GATAD2A: variants seen among roughly 807,000 people sequenced by gnomAD.
GATAD2A encodes the protein GATA zinc finger domain containing 2A.
Under a neutral mutation model 68.5 loss-of-function variants are expected in GATAD2A, and 12 were observed. That is an observed-to-expected ratio of 0.18 (90% confidence interval 0.11 to 0.28). The LOEUF (loss-of-function observed/expected upper bound fraction) is 0.28, where lower values mean the gene tolerates loss of function less well. Among genes scored for constraint, GATAD2A ranks in the 10% least tolerant of loss-of-function variants. The probability of loss-of-function intolerance (pLI) is 1.00; values close to 1 mark genes in which losing one functional copy is unlikely to be tolerated. For missense variants in GATAD2A, 755 were observed against 868.5 expected, an observed-to-expected ratio of 0.87 and a Z score of 1.64; for synonymous variants, 410 against 375.3, an observed-to-expected ratio of 1.09 and a Z score of -1.07.
At chr19:19,425,535 C>T (rs534025931) in intron 1 of GATAD2A, among the ~76,000 whole-genome samples, 1 of 152,168 alleles carries the variant, frequency 6.6e-6, no homozygotes, top group Non-Finnish European at 1.5e-5. Context: ...AGCACTTGAC[C>T]AAGCCATAAT....
chr19:19,482,762 T>G (rs2059145610), intron 2 of GATAD2A, among the ~76,000 whole-genome samples: 1 of 152,184 alleles, frequency 6.6e-6, no homozygotes, highest in Admixed American at 6.5e-5. Flanking sequence ...GCCTTTCATT[T>G]CTTCGATTGT....
intron 2 of GATAD2A, among the ~76,000 whole-genome samples, chr19:19,484,451 A>C (rs372825716): frequency 6.6e-6 from 1 of 151,228 alleles, no homozygotes; most frequent in Non-Finnish European, 1.5e-5. Flanking sequence ...GAAGTTGCTC[A>C]GTGGTAGGAC....
At chr19:19,466,317 A>C (rs2057861133) in intron 2 of GATAD2A, among the ~76,000 whole-genome samples, 1 of 152,206 alleles carries the variant, frequency 6.6e-6, no homozygotes, top group African/African-American at 2.4e-5. Context: ...CTGCTCTTGC[A>C]TCACCCCTCC....
intron 11 of GATAD2A, among the ~76,000 whole-genome samples, chr19:19,503,030 G>A (rs915532205): frequency 6.6e-6 from 1 of 152,200 alleles, no homozygotes; most frequent in Non-Finnish European, 1.5e-5. Flanking sequence ...TGCCGGAGAC[G>A]GTGTTTGAAG....
At position 19,465,448 on chromosome 19, in the gene GATAD2A, T is replaced by C; in HGVS notation, c.103T>C (p.Leu35=). The C allele has an allele frequency of 6.2e-7, 1 of 1,613,752 alleles. No individual in the cohort carries two copies. Among genetic ancestry groups the C allele is most frequent in the Non-Finnish European group, 8.5e-7 (1 of 1,179,732 alleles). The part of the protein sequence containing the change: ...ESKKIKMERG[L]LASDLNTDGD... ...CAAGAAAATAAAAATGGAGAGAGGA[T>C]TGTTGGCTTCAGATTTAAACACTGA... The change falls in exon 2 of 12, where the codon TTG becomes CTG. Residue 35 remains leucine, a synonymous_variant. Transcript: ENST00000683918.
intron 1 of GATAD2A, among the ~76,000 whole-genome samples, chr19:19,438,430 G>A (rs1338055483): frequency 1.3e-5 from 2 of 152,208 alleles, no homozygotes; most frequent in Admixed American, 6.5e-5. Flanking sequence ...CTTTGTTGAG[G>A]GGGAAGCACC....
intron 4 of GATAD2A, among the ~76,000 whole-genome samples, chr19:19,492,946 T>C (rs2059902728): frequency 6.6e-6 from 1 of 151,598 alleles, no homozygotes; most frequent in Admixed American, 6.6e-5. Context: ...GCTCACTTTT[T>C]TTTTTTTTTT....
At chr19:19,437,625 T>C (rs2030101912) in intron 1 of GATAD2A, among the ~76,000 whole-genome samples, 1 of 152,222 alleles carries the variant, frequency 6.6e-6, no homozygotes, top group African/African-American at 2.4e-5. Context: ...TGACCTCTAA[T>C]CTACTTTCTG....
intron 1 of GATAD2A, among the ~76,000 whole-genome samples, chr19:19,437,595 C>A (rs1264711967): frequency 2.6e-5 from 4 of 152,164 alleles, no homozygotes; most frequent in Non-Finnish European, 5.9e-5. Context: ...CTCCTCATCT[C>A]CCCCTCCCCT....
chr19:19,412,933 A>G (rs992546611), intron 1 of GATAD2A, among the ~76,000 whole-genome samples: 1 of 152,214 alleles, frequency 6.6e-6, no homozygotes, highest in African/African-American at 2.4e-5. Flanking sequence ...CCCCATTGTA[A>G]GTCGAGGAGC....
intron 2 of GATAD2A, among the ~76,000 whole-genome samples, chr19:19,477,522 T>A (rs2058754640): frequency 6.6e-6 from 1 of 151,990 alleles, no homozygotes; most frequent in African/African-American, 2.4e-5. Flanking sequence ...CTGAGGGCAC[T>A]CTCTGGGGGA....
intron 1 of GATAD2A, among the ~76,000 whole-genome samples, chr19:19,437,749 T>A (rs1444142350): frequency 1.3e-5 from 2 of 152,238 alleles, no homozygotes; most frequent in Non-Finnish European, 2.9e-5. Context: ...CATGAATCAG[T>A]GCTTCTTTCC....
chr19:19,502,474 C>T lies in GATAD2A; in HGVS notation c.1722C>T (p.Ser574=), dbSNP rs758534648. The T allele has an allele frequency of 2.9e-5, 46 of 1,613,364 alleles. No individual in the cohort carries two copies. Among genetic ancestry groups the T allele is most frequent in the South Asian group, 4.4e-5 (4 of 91,074 alleles). ...RTGRHSERTV[S]AGKGSATSNW... Reference sequence around the variant, plus strand: ...GCAGACATTCTGAGAGAACCGTGAGCGCCGGCAAGGGCAGCGCCACCTCCA... The same window carrying T: ...GCAGACATTCTGAGAGAACCGTGAGTGCCGGCAAGGGCAGCGCCACCTCCA... Residue 574 remains serine (S), a synonymous_variant, in exon 11 of 12, where the codon AGC becomes AGT. Coordinates refer to ENST00000683918, the MANE Select transcript of GATAD2A (RefSeq NM_001384528.1).
intron 1 of GATAD2A, among the ~76,000 whole-genome samples, chr19:19,423,913 A>G (rs1046724098): frequency 6.6e-6 from 1 of 152,122 alleles, no homozygotes; most frequent in South Asian, 2.1e-4. Flanking sequence ...GGTATCCTAG[A>G]AACTACCTTT....
intron 1 of GATAD2A, among the ~76,000 whole-genome samples, chr19:19,418,376 T>C (rs2051912165): frequency 6.6e-6 from 1 of 152,154 alleles, no homozygotes; most frequent in Non-Finnish European, 1.5e-5. Context: ...CAAGTAATAG[T>C]TGAAAGAATG....
intron 4 of GATAD2A, 110 bp from the exon 5 acceptor site, chr19:19,494,184 A>C: frequency 1.6e-6 from 1 of 609,476 alleles, no homozygotes. Flanking sequence ...GATGCCGTAG[A>C]GGAGGAAGAC....
chr19:19,490,324 TTAAC>T (rs1173928914), intron 2 of GATAD2A, among the ~76,000 whole-genome samples: 3 of 152,046 alleles, frequency 2.0e-5, no homozygotes, highest in Non-Finnish European at 4.4e-5. Context: ...TGGTGAAGCC[TTAAC>T]CTCTGGTGCT....
chr19:19,480,294 G>A (rs1484452289), intron 2 of GATAD2A, among the ~76,000 whole-genome samples: 2 of 152,150 alleles, frequency 1.3e-5, no homozygotes, highest in Admixed American at 6.5e-5. Context: ...TTATAGAGAC[G>A]TTTCAGATAC....
chr19:19,406,451 C>CGCGGCG lies in GATAD2A; in HGVS notation c.-7+455_-7+460dup, dbSNP rs535696257. Among the ~76,000 whole-genome samples, 489 of 147,208 alleles carry CGCGGCG rather than the reference C, an allele frequency of 3.3e-3. 1 individual carries two copies. The highest frequency in any genetic ancestry group is 3.4e-3 in the Non-Finnish European group (229 of 66,614). On this transcript the variant is annotated intron_variant, in intron 1 of 11. Coordinates refer to ENST00000683918, the MANE Select transcript of GATAD2A (RefSeq NM_001384528.1). ...CGGGTTGGGCAGCAACGCTGAACCC[C>CGCGGCG]GCGGCGGCGGCGGCGGCGGCGGCGG... is the stretch of plus-strand genomic sequence containing the variant.
Sources: allele counts gnomAD v4.1 joint callset (sites outside exome capture counted in the v4.1 genomes callset), GRCh38; gene constraint gnomAD v4.1.1; transcripts MANE v1.5; gene names NCBI Gene and HGNC (gene_info 2026-07-23, HGNC 2026-07-21).